The following VAV3 variants were observed in gnomAD, a reference collection of about 807,000 sequenced individuals.
VAV3 encodes vav guanine nucleotide exchange factor 3.
VAV3 carries 94 observed loss-of-function variants against 131.2 expected under a neutral mutation model. The ratio of observed to expected loss-of-function variants is 0.72; its 90% CI spans 0.61 to 0.85. The LOEUF (loss-of-function observed/expected upper bound fraction) is 0.85, where lower values mean the gene tolerates loss of function less well. Among genes scored for constraint, VAV3 ranks in the 40% least tolerant of loss-of-function variants. VAV3 has a pLI of 0.00. For missense variants in VAV3, 939 were observed against 1,002.7 expected (o/e 0.94, Z 0.86); for synonymous variants, 349 against 342.0 (o/e 1.02, Z -0.22).
chr1:107,718,053 A>G (rs1003208885), intron 15 of VAV3, among the ~76,000 whole-genome samples: 2 of 152,120 alleles, frequency 1.3e-5, no homozygotes, highest in Non-Finnish European at 2.9e-5. Context: ...GATGGAACGT[A>G]TCTCAAAATA....
At chr1:107,909,654 T>A (rs1241180039) in intron 1 of VAV3, among the ~76,000 whole-genome samples, 1 of 152,192 alleles carries the variant, frequency 6.6e-6, no homozygotes, top group Non-Finnish European at 1.5e-5. Flanking sequence ...TCTTGCTGCA[T>A]TTAACAAATT....
intron 2 of VAV3, among the ~76,000 whole-genome samples, chr1:107,784,836 G>A (rs994368959): frequency 6.6e-6 from 1 of 152,184 alleles, no homozygotes; most frequent in African/African-American, 2.4e-5. Flanking sequence ...GATATGTAAA[G>A]GGCTCAACCT....
intron 19 of VAV3, among the ~76,000 whole-genome samples, chr1:107,671,326 C>T (rs1353616766): frequency 2.6e-5 from 4 of 152,184 alleles, no homozygotes; most frequent in Non-Finnish European, 5.9e-5. Context: ...TAAGGGGCAA[C>T]ATGCCAGGCA....
At chr1:107,667,269 T>C (rs1203508822) in intron 19 of VAV3, among the ~76,000 whole-genome samples, 1 of 152,142 alleles carries the variant, frequency 6.6e-6, no homozygotes, top group Non-Finnish European at 1.5e-5. Flanking sequence ...ACACAGAAAT[T>C]CTGGAAGGTG....
intron 2 of VAV3, among the ~76,000 whole-genome samples, chr1:107,829,125 G>GAT (rs1289837968): frequency 2.6e-5 from 4 of 152,184 alleles, no homozygotes; most frequent in Non-Finnish European, 5.9e-5. Flanking sequence ...TACACAGAGA[G>GAT]ATGTTAGTAA....
chr1:107,657,647 C>T (rs897193626), intron 19 of VAV3, among the ~76,000 whole-genome samples: 14 of 152,224 alleles, frequency 9.2e-5, no homozygotes, highest in African/African-American at 3.4e-4. Flanking sequence ...CAGAGGTCAA[C>T]TGAAGTTCCA....
In VAV3 at chr1:107,749,539, A is replaced by C; in HGVS notation, c.1315T>G (p.Tyr439Asp). ...VIVCKRKGDNYEMKEIIDLQQ... is the reference protein window; with the variant it reads ...VIVCKRKGDNDEMKEIIDLQQ... ...AGATCTATTATTTCCTTCATTTCAT[A>C]GTTATCACCTTTTCTCTTACATACG... The change falls in exon 14 of 27, where the codon TAT (tyrosine) becomes GAT (aspartate). Residue 439 changes from tyrosine (Y) to aspartate (D), a missense_variant. Physicochemically the swap from Tyr to Asp is radical, Grantham distance 160. Transcript: ENST00000370056. 1 of 1,612,134 alleles carries C rather than the reference A, an allele frequency of 6.2e-7. No individual in the cohort carries two copies. The highest frequency in any genetic ancestry group is 1.1e-5 in the South Asian group (1 of 90,764).
chr1:107,674,465 A>C (rs1407236510), intron 19 of VAV3, among the ~76,000 whole-genome samples: 2 of 152,212 alleles, frequency 1.3e-5, no homozygotes, highest in Non-Finnish European at 2.9e-5. Flanking sequence ...AACAGCAGCC[A>C]CTAATGAACT....
At chr1:107,615,554 C>T (rs77462017) in intron 21 of VAV3, among the ~76,000 whole-genome samples, 3 of 152,066 alleles carry the variant, frequency 2.0e-5, no homozygotes, top group Non-Finnish European at 4.4e-5. Flanking sequence ...GATTTAATGA[C>T]TAAGATGCCA....
chr1:107,718,212 TC>T (rs1305427878), intron 15 of VAV3, among the ~76,000 whole-genome samples: 3 of 152,078 alleles, frequency 2.0e-5, no homozygotes, highest in Non-Finnish European at 4.4e-5. Context: ...GCCAGGGCAA[TC>T]AAGCAAGAGA....
At chr1:107,902,667 T>C (rs1671919352) in intron 1 of VAV3, among the ~76,000 whole-genome samples, 1 of 152,172 alleles carries the variant, frequency 6.6e-6, no homozygotes, top group African/African-American at 2.4e-5. Flanking sequence ...TAAGAAAATA[T>C]TTATGAAGTT....
At chr1:107,575,004 C>T (rs879776301) in intron 25 of VAV3, among the ~76,000 whole-genome samples, 27,218 of 64,644 alleles carry the variant, frequency 0.42, 2,923 homozygotes, top group East Asian at 0.52. Flanking sequence ...CGTGCGTGCG[C>T]GCGCGCGCGC....
At chr1:107,739,873 C>G (rs920434987) in intron 15 of VAV3, among the ~76,000 whole-genome samples, 1 of 152,168 alleles carries the variant, frequency 6.6e-6, no homozygotes, top group African/African-American at 2.4e-5. Context: ...CTTCCTCTAC[C>G]CCTTCTGGTT....
intron 1 of VAV3, among the ~76,000 whole-genome samples, chr1:107,893,452 A>C (rs1017598070): frequency 6.6e-6 from 1 of 152,182 alleles, no homozygotes; most frequent in Non-Finnish European, 1.5e-5. Flanking sequence ...AATACCTGAG[A>C]CTGGGTAATT....
intron 19 of VAV3, among the ~76,000 whole-genome samples, chr1:107,662,896 A>G (rs903826996): frequency 1.3e-5 from 2 of 152,180 alleles, no homozygotes; most frequent in Non-Finnish European, 2.9e-5. Context: ...AAATTCCCCA[A>G]CACTGAAACC....
chr1:107,688,308 C>T (rs1004164174), intron 18 of VAV3, 73 bp downstream of exon 18: 1 of 1,544,096 alleles, frequency 6.5e-7, no homozygotes, highest in South Asian at 1.2e-5. Context: ...AGTGTAAAAG[C>T]CCAAGCCTGG....
intron 1 of VAV3, among the ~76,000 whole-genome samples, chr1:107,883,293 C>T (rs1422856649): frequency 6.6e-6 from 1 of 152,136 alleles, no homozygotes; most frequent in Admixed American, 6.5e-5. Context: ...AATAACTGTG[C>T]TTAACTATAA....
chr1:107,849,715 T>C (rs1305928189), intron 2 of VAV3, among the ~76,000 whole-genome samples: 1 of 152,020 alleles, frequency 6.6e-6, no homozygotes, highest in African/African-American at 2.4e-5. Context: ...AAAGACAAAA[T>C]TGACACATGG....
chr1:107,610,051 G>C, intron 21 of VAV3, 86 bp from the exon 22 acceptor site: 1 of 1,324,950 alleles, frequency 7.5e-7, no homozygotes, highest in South Asian at 1.2e-5. Flanking sequence ...AGCTGACTCA[G>C]CTCTATAAAA....
Sources: allele counts gnomAD v4.1 joint callset (sites outside exome capture counted in the v4.1 genomes callset), GRCh38; gene constraint gnomAD v4.1.1; transcripts MANE v1.5; gene names NCBI Gene and HGNC (gene_info 2026-07-23, HGNC 2026-07-21).